RASA3: variants seen among roughly 807,000 people sequenced by gnomAD.
The protein encoded by RASA3 is ras GTPase-activating protein 3.
Under a neutral mutation model 110.0 loss-of-function variants are expected in RASA3, and 73 were observed. The ratio of observed to expected loss-of-function variants is 0.66; its 90% CI spans 0.55 to 0.81. RASA3 has a LOEUF of 0.81. Ranked by LOEUF, RASA3 falls within the 30% of genes least tolerant of loss-of-function variation. The pLI is 0.00. For missense variants in RASA3, 976 were observed against 1,113.2 expected (o/e 0.88, Z 1.75); for synonymous variants, 500 against 451.4 (o/e 1.11, Z -1.37).
chr13:114,049,132 A>G (rs554548873), intron 3 of RASA3, among the ~76,000 whole-genome samples: 1 of 152,150 alleles, frequency 6.6e-6, no homozygotes, highest in African/African-American at 2.4e-5. Flanking sequence ...GGCTGCCCCA[A>G]GGGAAACTTG....
chr13:114,109,725 G>A (rs766304195), intron 1 of RASA3, among the ~76,000 whole-genome samples: 7 of 149,814 alleles, frequency 4.7e-5, no homozygotes, highest in South Asian at 2.1e-4. Flanking sequence ...CCAGGCCCTC[G>A]AGCCTCCAAA....
intron 3 of RASA3, among the ~76,000 whole-genome samples, chr13:114,041,540 C>T (rs1398133737): frequency 6.6e-6 from 1 of 152,230 alleles, no homozygotes; most frequent in Non-Finnish European, 1.5e-5. Flanking sequence ...GGAGGTGCCT[C>T]GGAGCTGGCT....
rs541082218 is a variant in RASA3 at position 114,015,741 on chromosome 13, G to A, written c.1282-409C>T. Among the ~76,000 whole-genome samples, 9 of 152,310 alleles carry A rather than the reference G, an allele frequency of 5.9e-5. No individual in the cohort carries two copies. The East Asian group carries it at 1.2e-3, about 20-fold the overall frequency. On this transcript the variant is annotated intron_variant, in intron 13 of 23. Coordinates refer to ENST00000334062, the MANE Select transcript of RASA3 (RefSeq NM_007368.4). ...TCAGGGAGTTTTGCTGTTTTAAAACGCAGTACACAGCTCTGGGGACAGCCT... is the reference window on the plus strand; with the variant it reads ...TCAGGGAGTTTTGCTGTTTTAAAACACAGTACACAGCTCTGGGGACAGCCT...
chr13:114,106,498 A>G (rs2080137319), intron 1 of RASA3, among the ~76,000 whole-genome samples: 1 of 152,264 alleles, frequency 6.6e-6, no homozygotes, highest in South Asian at 2.1e-4. Flanking sequence ...ACGTGTAACA[A>G]TAATGGCAAT....
Position 114,014,930 on chromosome 13 carries a change from C to T in RASA3, c.1405+279G>A, listed in dbSNP as rs1036334261. Among the ~76,000 whole-genome samples the T allele has an allele frequency of 3.3e-5, 5 of 152,096 alleles. No individual in the cohort carries two copies. Among genetic ancestry groups the T allele is most frequent in the Admixed American group, 1.3e-4 (2 of 15,282 alleles). The stretch of plus-strand genomic sequence containing the variant: ...TCGTGAACTCCAGGGCTGGGCCCCT[C>T]TAGAGACCACTGCGGTGGTGATCTC... On this transcript the variant is annotated intron_variant, in intron 14 of 23. Transcript: ENST00000334062. This position sits in a 1 kb window ranked among gnomAD's most constrained non-coding sequence, Gnocchi z 4.5.
intron 2 of RASA3, among the ~76,000 whole-genome samples, chr13:114,059,924 C>G (rs2079308146): frequency 6.6e-6 from 1 of 152,222 alleles, no homozygotes; most frequent in African/African-American, 2.4e-5. Flanking sequence ...CACACAGAAC[C>G]ACGAATGTCC....
intron 1 of RASA3, among the ~76,000 whole-genome samples, chr13:114,121,809 T>C (rs2080381429): frequency 6.6e-6 from 1 of 152,176 alleles, no homozygotes; most frequent in Admixed American, 6.5e-5. Flanking sequence ...ACTAGTTGTT[T>C]ACAGCTGTGA....
intron 18 of RASA3, 121 bp downstream of exon 18, chr13:114,007,412 T>C: frequency 3.9e-6 from 1 of 256,340 alleles, no homozygotes; most frequent in South Asian, 3.1e-5. Flanking sequence ...GGACGCCACC[T>C]TACCCTTCTC....
intron 1 of RASA3, among the ~76,000 whole-genome samples, chr13:114,105,932 C>T (rs1398819454): frequency 6.6e-6 from 1 of 152,196 alleles, no homozygotes; most frequent in Non-Finnish European, 1.5e-5. Context: ...CAGTGCAAGA[C>T]TCTGACACAC....
intron 5 of RASA3, 26 bp downstream of exon 5, chr13:114,029,785 C>A: frequency 6.3e-7 from 1 of 1,575,894 alleles, no homozygotes; most frequent in Non-Finnish European, 8.6e-7. Context: ...GCTGTGCGCT[C>A]GGTCTCTAGT....
intron 1 of RASA3, among the ~76,000 whole-genome samples, chr13:114,099,451 T>G (rs1594452290): frequency 1.3e-5 from 2 of 151,814 alleles, no homozygotes; most frequent in East Asian, 3.9e-4. Flanking sequence ...CCAGGCACAT[T>G]TGGATTCCCC....
intron 2 of RASA3, among the ~76,000 whole-genome samples, chr13:114,059,175 T>C (rs1005106742): frequency 4.6e-5 from 7 of 152,088 alleles, no homozygotes; most frequent in Non-Finnish European, 8.8e-5. Flanking sequence ...AGATCCTGTC[T>C]CAAAAAACCA....
In RASA3 at chr13:114,057,901, C is replaced by T. The variant is rs1002660877; in HGVS notation, c.174-5746G>A. Among the ~76,000 whole-genome samples the T allele has an allele frequency of 4.6e-5, 7 of 152,190 alleles. No homozygotes were observed. Among genetic ancestry groups the T allele is most frequent in the Non-Finnish European group, 8.8e-5 (6 of 68,040 alleles). ...GGAGGCTGGAGAGCTGCCATCCTAG[C>T]GCACACTGGGTAGATGCAGGTGTTT... On this transcript the variant is annotated intron_variant, in intron 2 of 23. Coordinates refer to ENST00000334062, the MANE Select transcript of RASA3 (RefSeq NM_007368.4). This position sits in a 1 kb window ranked among gnomAD's most constrained non-coding sequence, Gnocchi z 5.0.
intron 22 of RASA3, 140 bp from the exon 23 acceptor site, chr13:113,981,998 C>T (rs1046995696): frequency 5.5e-6 from 4 of 722,502 alleles, no homozygotes; most frequent in South Asian, 4.1e-5. Flanking sequence ...GACCACCACT[C>T]GTAAACGCAG....
intron 2 of RASA3, among the ~76,000 whole-genome samples, chr13:114,053,500 T>C (rs866457329): frequency 6.6e-6 from 1 of 152,204 alleles, no homozygotes; most frequent in Non-Finnish European, 1.5e-5. Context: ...ATAGGAAAGA[T>C]GTAAGTTATT....
intron 1 of RASA3, among the ~76,000 whole-genome samples, chr13:114,081,482 G>C (rs2079787194): frequency 6.6e-6 from 1 of 152,208 alleles, no homozygotes; most frequent in South Asian, 2.1e-4. Flanking sequence ...AATCCAGCTG[G>C]TCTACAATGA....
chr13:114,035,138 C>G (rs2054256095), intron 4 of RASA3, among the ~76,000 whole-genome samples: 1 of 152,196 alleles, frequency 6.6e-6, no homozygotes, highest in African/African-American at 2.4e-5. Context: ...AGCCCAAGAA[C>G]AGAAAACAGA....
chr13:114,020,127 T>G (rs7324969), intron 9 of RASA3, among the ~76,000 whole-genome samples: 10 of 37,746 alleles, frequency 2.6e-4, no homozygotes, highest in Admixed American at 9.6e-4. Context: ...GTGGAGCCTG[T>G]GTCCGAGGCA....
At chr13:114,081,505 A>C (rs1458146422) in intron 1 of RASA3, among the ~76,000 whole-genome samples, 1 of 152,210 alleles carries the variant, frequency 6.6e-6, no homozygotes, top group East Asian at 1.9e-4. Flanking sequence ...CGCTGGGGAA[A>C]ATACTTCAAG....
Sources: gnomAD v4.1 joint callset for allele counts (sites outside exome capture counted in the v4.1 genomes callset) on GRCh38, gnomAD v4.1.1 for gene constraint, Gnocchi (gnomAD v3.1) non-coding constraint, MANE v1.5 for transcripts, NCBI Gene and HGNC (gene_info 2026-07-23, HGNC 2026-07-21) for gene names.